The following SESN1 variants were observed in gnomAD, a reference collection of about 807,000 sequenced individuals.
SESN1 encodes sestrin 1.
A neutral mutation model predicts 59.3 loss-of-function variants in SESN1; 30 were observed. The observed-to-expected ratio is 0.51, with a 90% CI of 0.38 to 0.69. SESN1 has a LOEUF of 0.69. SESN1 is among the 30% of genes least tolerant of loss of function. The probability of loss-of-function intolerance (pLI) is 0.00; values close to 1 mark genes in which losing one functional copy is unlikely to be tolerated. For synonymous variants in SESN1, 197 were observed against 219.9 expected (o/e 0.90, Z 0.92); for missense variants, 566 against 673.0 (o/e 0.84, Z 1.76).
chr6:109,028,277 A>G (rs994231188), intron 1 of SESN1, among the ~76,000 whole-genome samples: 1 of 152,224 alleles, frequency 6.6e-6, no homozygotes, highest in Non-Finnish European at 1.5e-5. Context: ...GGTGAAGGGC[A>G]TTCACTTTTT....
chr6:109,084,904 C>CAAA (rs1781187041), intron 1 of SESN1, among the ~76,000 whole-genome samples: 1 of 152,004 alleles, frequency 6.6e-6, no homozygotes, highest in Non-Finnish European at 1.5e-5. Flanking sequence ...GTGCCACAAA[C>CAAA]TGTGAGTCTA....
At chr6:108,992,637 G>A in intron 7 of SESN1, 150 bp downstream of exon 7, 1 of 649,090 alleles carries the variant, frequency 1.5e-6, no homozygotes, top group Admixed American at 2.8e-5. Context: ...GGATGAATTA[G>A]AAACAGTCTT....
At chr6:109,070,545 G>T (rs981884103) in intron 1 of SESN1, among the ~76,000 whole-genome samples, 3 of 152,148 alleles carry the variant, frequency 2.0e-5, no homozygotes, top group Non-Finnish European at 4.4e-5. Context: ...CACCGCCAGG[G>T]CCCACCAGTT....
At chr6:109,071,273 T>C (rs868827243) in intron 1 of SESN1, among the ~76,000 whole-genome samples, 1 of 151,292 alleles carries the variant, frequency 6.6e-6, no homozygotes, top group African/African-American at 2.4e-5. Flanking sequence ...AGAAGAAAAA[T>C]AAATCAAGAT....
At chr6:109,019,852 A>G (rs1176251784) in intron 1 of SESN1, among the ~76,000 whole-genome samples, 1 of 152,204 alleles carries the variant, frequency 6.6e-6, no homozygotes, top group Non-Finnish European at 1.5e-5. Context: ...ATTCAATTAG[A>G]TTTTAAAAAT....
intron 9 of SESN1, 122 bp from the exon 10 acceptor site, chr6:108,987,752 A>G (rs1164044290): frequency 4.0e-6 from 2 of 500,734 alleles, no homozygotes; most frequent in Non-Finnish European, 7.1e-6. Flanking sequence ...AGTACAGCAT[A>G]ACTTAGCCTT....
chr6:108,993,575 CTA>C (rs1475830961), intron 6 of SESN1, among the ~76,000 whole-genome samples: 1 of 152,132 alleles, frequency 6.6e-6, no homozygotes, highest in Admixed American at 6.5e-5. Context: ...TTCTCCCACT[CTA>C]TTATATTGTC....
intron 1 of SESN1, among the ~76,000 whole-genome samples, chr6:109,085,897 A>G (rs1357350328): frequency 6.6e-6 from 1 of 151,892 alleles, no homozygotes; most frequent in African/African-American, 2.4e-5. Context: ...ACCAGCATCA[A>G]CTCTGTTCTT....
At chr6:108,990,444 C>T (rs541664869) in intron 8 of SESN1, among the ~76,000 whole-genome samples, 1 of 152,336 alleles carries the variant, frequency 6.6e-6, no homozygotes, top group Admixed American at 6.5e-5. Flanking sequence ...CCTAACTCTC[C>T]CTCCTGCCTA....
At chr6:109,062,364 C>T (rs563481160) in intron 1 of SESN1, among the ~76,000 whole-genome samples, 120 of 152,306 alleles carry the variant, frequency 7.9e-4, no homozygotes, top group African/African-American at 2.7e-3. Context: ...GAGTCTGAGG[C>T]GCACAGAGCG....
At chr6:109,005,318 A>G (rs185975801) in intron 1 of SESN1, among the ~76,000 whole-genome samples, 1 of 152,300 alleles carries the variant, frequency 6.6e-6, no homozygotes, top group African/African-American at 2.4e-5. Context: ...AGGGGAGGAG[A>G]AGCAAAGTGC....
intron 1 of SESN1, among the ~76,000 whole-genome samples, chr6:109,046,611 C>T (rs1246414574): frequency 2.1e-5 from 3 of 141,690 alleles, no homozygotes; most frequent in Non-Finnish European, 3.1e-5. Flanking sequence ...CGTCTGCGCC[C>T]GGCCGCCATC....
chr6:109,071,029 A>C (rs1034411732), intron 1 of SESN1, among the ~76,000 whole-genome samples: 21 of 152,334 alleles, frequency 1.4e-4, no homozygotes, highest in African/African-American at 4.6e-4. Flanking sequence ...AAAAAGCTAC[A>C]GTCAGTCCAC....
At chr6:109,032,939 A>G (rs1037126204) in intron 1 of SESN1, among the ~76,000 whole-genome samples, 14 of 152,222 alleles carry the variant, frequency 9.2e-5, no homozygotes, top group Admixed American at 9.2e-4. Flanking sequence ...AGTGCCTTGT[A>G]AGAACCCACA....
At chr6:109,035,783 A>C (rs1382526969) in intron 1 of SESN1, among the ~76,000 whole-genome samples, 1 of 151,902 alleles carries the variant, frequency 6.6e-6, no homozygotes, top group African/African-American at 2.4e-5. Context: ...TTCTATTTTT[A>C]TTTTTGTAGA....
At chr6:109,074,088 C>A (rs1347913528) in intron 1 of SESN1, among the ~76,000 whole-genome samples, 1 of 152,106 alleles carries the variant, frequency 6.6e-6, no homozygotes, top group Non-Finnish European at 1.5e-5. Flanking sequence ...ACACAAATAC[C>A]ATTGTGTTAC....
rs574136911 is a variant in SESN1, at chr6:108,984,639, G to A, written c.*2905C>T. Among the ~76,000 whole-genome samples, 1 of 152,240 alleles carries A rather than the reference G, an allele frequency of 6.6e-6. No homozygotes were observed. Among genetic ancestry groups the A allele is most frequent in the African/African-American group, 2.4e-5 (1 of 41,544 alleles). On this transcript the variant is annotated 3_prime_UTR_variant, in exon 10 of 10. Coordinates refer to ENST00000436639, the MANE Select transcript of SESN1 (RefSeq NM_014454.3). ...AGCCATCACATATCCCCTTGGTTAG[G>A]TTTATTCCTAAGTATTTTATTCTTT... is the stretch of plus-strand genomic sequence containing the variant.
intron 1 of SESN1, among the ~76,000 whole-genome samples, chr6:109,060,908 T>C (rs1481599724): frequency 6.6e-6 from 1 of 152,174 alleles, no homozygotes; most frequent in African/African-American, 2.4e-5. Flanking sequence ...AGGAAAAGTA[T>C]CCACTGCTCT....
Position 109,008,219 on chromosome 6 carries a change from A to G in SESN1, c.280-5876T>C, listed in dbSNP as rs142037246. Among the ~76,000 whole-genome samples, 8 of 152,352 alleles carry G rather than the reference A, an allele frequency of 5.3e-5. No homozygotes were observed. In the East Asian group the frequency reaches 1.5e-3, roughly 29 times the overall value. On this transcript the variant is annotated intron_variant, in intron 1 of 9. Transcript: ENST00000436639. ...GACTCTGCACACAAACATCAGCAGA[A>G]ATAACAGATCTATTCAAGCATGATG...
Sources: allele counts gnomAD v4.1 joint callset (sites outside exome capture counted in the v4.1 genomes callset), GRCh38; gene constraint gnomAD v4.1.1; transcripts MANE v1.5; gene names NCBI Gene and HGNC (gene_info 2026-07-23, HGNC 2026-07-21).